The following RIMS1 variants were observed in gnomAD, a reference collection of about 807,000 sequenced individuals.
The protein encoded by RIMS1 is regulating synaptic membrane exocytosis 1, also known as regulating synaptic membrane exocytosis protein 1.
Under a neutral mutation model 214.1 loss-of-function variants are expected in RIMS1, and 83 were observed. The observed-to-expected ratio is 0.39, with a 90% CI of 0.32 to 0.47. The LOEUF (loss-of-function observed/expected upper bound fraction) is 0.47. Among genes scored for constraint, RIMS1 ranks in the 20% least tolerant of loss-of-function variants. The pLI is 0.99. For synonymous variants in RIMS1, 793 were observed against 786.8 expected, an observed-to-expected ratio of 1.01 and a Z score of -0.13; for missense variants, 2,050 against 2,161.8, an observed-to-expected ratio of 0.95 and a Z score of 1.03.
At chr6:72,337,389 A>C (rs1220280447) in intron 29 of RIMS1, among the ~76,000 whole-genome samples, 1 of 151,802 alleles carries the variant, frequency 6.6e-6, no homozygotes, top group Non-Finnish European at 1.5e-5. Context: ...TACACTTTTG[A>C]AATTATACTA....
chr6:72,064,614 G>A (rs576202949), intron 2 of RIMS1, among the ~76,000 whole-genome samples: 18 of 152,316 alleles, frequency 1.2e-4, no homozygotes, highest in African/African-American at 3.9e-4. Context: ...GCGTCATCTC[G>A]ATCAAGCGAT....
chr6:72,171,352 G>GTGTGTGTATATATATATA (rs1562487508), intron 4 of RIMS1, among the ~76,000 whole-genome samples: 1 of 150,058 alleles, frequency 6.7e-6, no homozygotes, highest in South Asian at 2.1e-4. Flanking sequence ...TATTACGTGT[G>GTGTGTGTATATATATATA]TGTGTGTATA....
At chr6:72,110,185 GC>G (rs2035747865) in intron 4 of RIMS1, among the ~76,000 whole-genome samples, 2 of 152,110 alleles carry the variant, frequency 1.3e-5, no homozygotes, top group East Asian at 3.9e-4. Context: ...GGCAATGCAG[GC>G]CCTTTTTTGG....
intron 6 of RIMS1, among the ~76,000 whole-genome samples, chr6:72,213,822 T>G (rs1429542651): frequency 6.6e-6 from 1 of 152,164 alleles, no homozygotes; most frequent in Non-Finnish European, 1.5e-5. Context: ...AAATTGCATT[T>G]GATGTTAGGT....
rs1172579694 is a variant in RIMS1, at chr6:72,316,523, T to C, written c.4130+2851T>C. 4 of 374,532 alleles carry C rather than the reference T, an allele frequency of 1.1e-5. No homozygotes were observed. The Admixed American group carries it at 1.5e-4, about 14-fold the overall frequency. 23.2% of individuals were successfully genotyped at this position (374,532 alleles called of 1,614,324 possible). On this transcript the variant is annotated intron_variant, in intron 28 of 33. Transcript: ENST00000521978. ...GAGGCTGCTGTGGTTGCAGACACCC[T>C]CCTGGCCTTGGCTCCCTATCAAGAA... is the stretch of plus-strand genomic sequence containing the variant.
At chr6:71,891,787 C>T (rs1468876975) in intron 1 of RIMS1, among the ~76,000 whole-genome samples, 4 of 152,174 alleles carry the variant, frequency 2.6e-5, no homozygotes, top group Non-Finnish European at 5.9e-5. Context: ...CTACTGCTGA[C>T]TTGACTAATA....
chr6:72,065,984 G>T (rs1258652041), intron 2 of RIMS1, among the ~76,000 whole-genome samples: 3 of 150,238 alleles, frequency 2.0e-5, no homozygotes, highest in Non-Finnish European at 4.4e-5. Context: ...ATATTGTTTT[G>T]GGAATACTCC....
intron 1 of RIMS1, among the ~76,000 whole-genome samples, chr6:71,900,043 C>T (rs1343091702): frequency 2.6e-5 from 4 of 152,006 alleles, no homozygotes; most frequent in Admixed American, 2.6e-4. Context: ...CAGCACAGAA[C>T]ATTGTATAAT....
At chr6:71,974,128 G>C (rs547022144) in intron 2 of RIMS1, among the ~76,000 whole-genome samples, 9 of 152,330 alleles carry the variant, frequency 5.9e-5, no homozygotes, top group African/African-American at 2.2e-4. Context: ...TTAAGGAACA[G>C]GGAGGAGGCA....
intron 6 of RIMS1, among the ~76,000 whole-genome samples, chr6:72,208,107 G>A (rs1284676569): frequency 1.3e-5 from 2 of 152,114 alleles, no homozygotes; most frequent in Admixed American, 6.5e-5. Flanking sequence ...GACACTCAGA[G>A]TGCTTTCTCC....
chr6:72,237,826 G>A lies in RIMS1; in HGVS notation c.1861G>A (p.Val621Ile). The A allele has an allele frequency of 6.2e-7, 1 of 1,611,562 alleles. No individual in the cohort carries two copies. Among genetic ancestry groups the A allele is most frequent in the Non-Finnish European group, 8.5e-7 (1 of 1,177,882 alleles). ...DSGALLGLKVVGGKMTDLGRL... is the reference protein window; with the variant it reads ...DSGALLGLKVIGGKMTDLGRL... ...TTATAAATTTGTAATTATCCAGGTTGTTGGAGGAAAAATGACTGACTTAGG... is the reference window on the plus strand; with the variant it reads ...TTATAAATTTGTAATTATCCAGGTTATTGGAGGAAAAATGACTGACTTAGG... Residue 621 changes from valine (V) to isoleucine (I), a missense_variant, in exon 9 of 34, where the codon GTT becomes ATT. Physicochemically the swap from Val to Ile is conservative, Grantham distance 29. Around this residue, in one of 6 missense-constraint regions of RIMS1, gnomAD observed 111 missense variants for 166.2 expected, o/e 0.67. Transcript: ENST00000521978.
chr6:71,900,840 G>A (rs533063937), intron 1 of RIMS1, among the ~76,000 whole-genome samples: 2 of 150,504 alleles, frequency 1.3e-5, no homozygotes, highest in African/African-American at 5.0e-5. Context: ...TATGAGTCAT[G>A]TGTACACAGA....
intron 6 of RIMS1, 44 bp downstream of exon 6, chr6:72,183,193 A>C (rs758327274): frequency 6.4e-6 from 10 of 1,566,998 alleles, no homozygotes; most frequent in Admixed American, 5.6e-5. Context: ...AGCCAAGTGA[A>C]GAGGCGTGGG....
At chr6:72,388,091 GC>G (rs2098643278) in intron 29 of RIMS1, among the ~76,000 whole-genome samples, 1 of 152,164 alleles carries the variant, frequency 6.6e-6, no homozygotes. Flanking sequence ...CAATGACCCT[GC>G]TCACATAGAA....
At chr6:72,243,799 A>T (rs188934210) in intron 10 of RIMS1, among the ~76,000 whole-genome samples, 5 of 151,852 alleles carry the variant, frequency 3.3e-5, no homozygotes. Context: ...CTAAACTATT[A>T]TAGATTATAG....
At chr6:71,937,701 A>G (rs1784872016) in intron 1 of RIMS1, among the ~76,000 whole-genome samples, 1 of 152,202 alleles carries the variant, frequency 6.6e-6, no homozygotes, top group Non-Finnish European at 1.5e-5. Context: ...TGATAATGGC[A>G]TCAGTCCATT....
At chr6:72,222,568 A>G (rs2058822774) in intron 6 of RIMS1, among the ~76,000 whole-genome samples, 1 of 152,134 alleles carries the variant, frequency 6.6e-6, no homozygotes, top group Non-Finnish European at 1.5e-5. Context: ...TAATGACTTA[A>G]TTGTAAAAAC....
intron 29 of RIMS1, among the ~76,000 whole-genome samples, chr6:72,349,188 T>C (rs772253174): frequency 3.3e-5 from 5 of 152,160 alleles, no homozygotes; most frequent in Admixed American, 6.6e-5. Flanking sequence ...TGATTAGTCA[T>C]AGTTTTAGTG....
intron 6 of RIMS1, among the ~76,000 whole-genome samples, chr6:72,187,312 T>C (rs1038432890): frequency 6.6e-6 from 1 of 152,164 alleles, no homozygotes. Flanking sequence ...TCTTTATAAG[T>C]TGCATATTAT....
Sources: gnomAD v4.1 joint callset for allele counts (sites outside exome capture counted in the v4.1 genomes callset) on GRCh38, gnomAD v4.1.1 for gene constraint, gnomAD v4.1.1 regional missense constraint, MANE v1.5 for transcripts, NCBI Gene and HGNC (gene_info 2026-07-23, HGNC 2026-07-21) for gene names.